The following GDAP1 variants were observed in gnomAD, a reference collection of about 807,000 sequenced individuals.
GDAP1 encodes ganglioside-induced differentiation-associated protein 1.
A neutral mutation model predicts 40.1 loss-of-function variants in GDAP1; 34 were observed. That is an observed-to-expected ratio of 0.85 (90% CI 0.64 to 1.13). The LOEUF is 1.13. Among genes scored for constraint, GDAP1 ranks in the 50% most tolerant of loss-of-function variants. The probability of loss-of-function intolerance (pLI) is 0.00; values close to 1 mark genes in which losing one functional copy is unlikely to be tolerated. For missense variants in GDAP1, 374 were observed against 433.7 expected, an observed-to-expected ratio of 0.86 and a Z score of 1.22; for synonymous variants, 170 against 157.4, an observed-to-expected ratio of 1.08 and a Z score of -0.60.
chr8:74,436,245 C>T (rs184799746), intron 2 of GDAP1, among the ~76,000 whole-genome samples: 63 of 152,194 alleles, frequency 4.1e-4, no homozygotes, highest in Non-Finnish European at 8.1e-4. Context: ...AGAATATATT[C>T]GACCCAAGCT....
At chr8:74,455,621 A>G (rs865912855) in intron 2 of GDAP1, among the ~76,000 whole-genome samples, 18 of 151,970 alleles carry the variant, frequency 1.2e-4, no homozygotes, top group African/African-American at 3.9e-4. Flanking sequence ...TCTGAGTGAT[A>G]ACATTAGATC....
At chr8:74,439,313 A>G (rs1355761257) in intron 2 of GDAP1, among the ~76,000 whole-genome samples, 3 of 152,122 alleles carry the variant, frequency 2.0e-5, no homozygotes, top group African/African-American at 7.2e-5. Flanking sequence ...ATATAAATTC[A>G]TTTCTTTTTA....
At chr8:74,420,341 C>G (rs764901791) in intron 2 of GDAP1, among the ~76,000 whole-genome samples, 1 of 152,042 alleles carries the variant, frequency 6.6e-6, no homozygotes, top group African/African-American at 2.4e-5. Flanking sequence ...TTTATAGACC[C>G]AGGTTCATGT....
intron 2 of GDAP1, among the ~76,000 whole-genome samples, chr8:74,470,360 T>G (rs930770126): frequency 6.6e-6 from 1 of 152,140 alleles, no homozygotes. Flanking sequence ...CCATTAACTT[T>G]TCATTTAACA....
At chr8:74,384,892 A>C (rs1810003667) in intron 2 of GDAP1, among the ~76,000 whole-genome samples, 1 of 152,180 alleles carries the variant, frequency 6.6e-6, no homozygotes, top group Non-Finnish European at 1.5e-5. Context: ...TACTGACTTT[A>C]CATGTTGAAA....
intron 2 of GDAP1, among the ~76,000 whole-genome samples, chr8:74,467,378 G>A (rs1290643304): frequency 6.6e-6 from 1 of 152,176 alleles, no homozygotes; most frequent in East Asian, 1.9e-4. Flanking sequence ...GTTCAAGTGT[G>A]GAACAGATAA....
intron 2 of GDAP1, among the ~76,000 whole-genome samples, chr8:74,429,367 C>T (rs1006788219): frequency 1.3e-5 from 2 of 152,016 alleles, no homozygotes; most frequent in Non-Finnish European, 1.5e-5. Context: ...TATTCTTCTA[C>T]AAACAAGAAT....
intron 2 of GDAP1, among the ~76,000 whole-genome samples, chr8:74,406,876 C>G (rs1429656124): frequency 1.3e-5 from 2 of 149,610 alleles, no homozygotes; most frequent in Non-Finnish European, 2.9e-5. Context: ...AGGAGGGCTT[C>G]CATAGAATAC....
chr8:74,379,244 G>A (rs1229916312), intron 2 of GDAP1, among the ~76,000 whole-genome samples: 2 of 147,762 alleles, frequency 1.4e-5, no homozygotes, highest in African/African-American at 2.5e-5. Context: ...TGGAGTAAGA[G>A]CCACTGTGTA....
At chr8:74,353,602 GA>G (rs34564241) in intron 2 of GDAP1, among the ~76,000 whole-genome samples, 9 of 152,126 alleles carry the variant, frequency 5.9e-5, no homozygotes, top group Non-Finnish European at 1.2e-4. Context: ...CAAAGACGGG[GA>G]AAAGTGAATT....
At chr8:74,380,122 C>T (rs182031553) in intron 2 of GDAP1, among the ~76,000 whole-genome samples, 71 of 152,224 alleles carry the variant, frequency 4.7e-4, no homozygotes, top group Admixed American at 1.7e-3. Context: ...GGCCTTGCTT[C>T]GTGGGCTGTG....
At chr8:74,352,681 T>C (rs1354015618) in intron 2 of GDAP1, among the ~76,000 whole-genome samples, 4 of 152,244 alleles carry the variant, frequency 2.6e-5, no homozygotes, top group African/African-American at 9.6e-5. Context: ...TGATGTACTT[T>C]CTTTTCATCT....
At chr8:74,415,784 C>G (rs1805770553) in intron 2 of GDAP1, among the ~76,000 whole-genome samples, 1 of 150,020 alleles carries the variant, frequency 6.7e-6, no homozygotes, top group Non-Finnish European at 1.5e-5. Flanking sequence ...TCACAGAAGT[C>G]TGCCAGCTAA....
At chr8:74,421,008 T>G (rs1805850617) in intron 2 of GDAP1, among the ~76,000 whole-genome samples, 1 of 152,126 alleles carries the variant, frequency 6.6e-6, no homozygotes, top group East Asian at 1.9e-4. Context: ...ATCATAGCTC[T>G]GGGATAATCA....
intron 2 of GDAP1, among the ~76,000 whole-genome samples, chr8:74,400,210 C>T (rs1347118994): frequency 3.3e-5 from 5 of 149,718 alleles, no homozygotes; most frequent in Non-Finnish European, 7.3e-5. Context: ...TCACTCAGGA[C>T]TTGCTTTATG....
chr8:74,399,485 C>G (rs1810278945), intron 2 of GDAP1, among the ~76,000 whole-genome samples: 1 of 148,016 alleles, frequency 6.8e-6, no homozygotes, highest in Admixed American at 6.6e-5. Flanking sequence ...TTTTGTTGAT[C>G]CTTTCAAAAA....
intron 2 of GDAP1, among the ~76,000 whole-genome samples, chr8:74,381,040 A>G (rs949349557): frequency 1.3e-4 from 19 of 151,834 alleles, no homozygotes; most frequent in African/African-American, 4.4e-4. Flanking sequence ...GAAAGGGATT[A>G]CCAAGGGGGA....
intron 2 of GDAP1, among the ~76,000 whole-genome samples, chr8:74,437,498 G>A (rs1156325524): frequency 1.3e-5 from 2 of 152,008 alleles, no homozygotes; most frequent in Non-Finnish European, 2.9e-5. Flanking sequence ...AGCATTTAAA[G>A]TGAAATAAAT....
At chr8:74,428,170 A>G (rs1281803272) in intron 2 of GDAP1, among the ~76,000 whole-genome samples, 1 of 152,154 alleles carries the variant, frequency 6.6e-6, no homozygotes, top group Non-Finnish European at 1.5e-5. Context: ...ACATAGGAGG[A>G]TTACTTGAGG....
Sources: allele counts gnomAD v4.1 joint callset (sites outside exome capture counted in the v4.1 genomes callset), GRCh38; gene constraint gnomAD v4.1.1; transcripts MANE v1.5; gene names NCBI Gene and HGNC (gene_info 2026-07-23, HGNC 2026-07-21).